The following DNAJC5G variants were observed in gnomAD, a reference collection of about 807,000 sequenced individuals.
The protein encoded by DNAJC5G is dnaJ homolog subfamily C member 5G.
A neutral mutation model predicts 19.1 loss-of-function variants in DNAJC5G; 13 were observed. That is an observed-to-expected ratio of 0.68 (90% CI 0.44 to 1.08). The LOEUF is 1.08. DNAJC5G is among the 50% of genes least tolerant of loss of function. DNAJC5G has a pLI of 0.00. For synonymous variants in DNAJC5G, 81 were observed against 84.4 expected (o/e 0.96, Z 0.22); for missense variants, 245 against 230.4 (o/e 1.06, Z -0.41).
Position 27,280,735 on chromosome 2 carries a change from T to G in DNAJC5G, c.*325T>G, listed in dbSNP as rs1479844604. On this transcript the variant is annotated 3_prime_UTR_variant, in exon 7 of 7. Coordinates refer to ENST00000296097, the MANE Select transcript of DNAJC5G (RefSeq NM_173650.3). ...GTCTCAGGCAGTGGTGGCAGATTTT[T>G]CCTGAAGAGTCTTTTTCCTGTGTCT... 3.3e-5 allele frequency: 5 copies of G among 153,532 alleles called. No individual in the cohort carries two copies. The highest frequency in any genetic ancestry group is 1.2e-4 in the African/African-American group (5 of 41,452). The allele number at this position is 153,532 out of a possible 1,614,324, so 9.5% of individuals were successfully genotyped here.
In DNAJC5G at chr2:27,276,108, A is replaced by G. The variant is rs1053438457; in HGVS notation, c.-283A>G. On this transcript the variant is annotated splice_region_variant and 5_prime_UTR_variant, in exon 2 of 7. Transcript: ENST00000296097. ...CTCTGTCTCTACTAAAAACACAGAA[A>G]ATTAGCCGGGCGTGGTGGCGTGCAC... The G allele has an allele frequency of 6.6e-6, 1 of 151,958 alleles. No homozygotes were observed. The highest frequency in any genetic ancestry group is 2.4e-5 in the African/African-American group (1 of 41,290). 9.4% of individuals were successfully genotyped at this position (151,958 alleles called of 1,614,324 possible).
chr2:27,279,534 T>A (rs1457653940), intron 5 of DNAJC5G, among the ~76,000 whole-genome samples: 1 of 152,142 alleles, frequency 6.6e-6, no homozygotes, highest in East Asian at 1.9e-4. Context: ...TGACCTCAAG[T>A]GATCCACCTG....
chr2:27,278,198 T>TC lies in DNAJC5G; in HGVS notation c.388dup (p.Leu130ProfsTer22). On this transcript the variant is annotated frameshift_variant, in exon 5 of 7. Coordinates refer to ENST00000296097, the MANE Select transcript of DNAJC5G (RefSeq NM_173650.3). LOFTEE classifies it high-confidence loss of function. ...TCGCCTACCTTTTAGACACTTGTCA[T>TC]CCTGTGTACTCTGCTCACTTGTTGC... 1 of 1,614,198 alleles carries TC rather than the reference T, an allele frequency of 6.2e-7. No individual in the cohort carries two copies. Among genetic ancestry groups the TC allele is most frequent in the Non-Finnish European group, 8.5e-7 (1 of 1,180,024 alleles).
At chr2:27,279,309 T>C in intron 5 of DNAJC5G, among the ~76,000 whole-genome samples, 1 of 137,302 alleles carries the variant, frequency 7.3e-6, no homozygotes, top group South Asian at 2.5e-4. Context: ...TTGTTGGTGG[T>C]GGTGGTGTTG....
rs756781840 is a variant in DNAJC5G, at chr2:27,277,816, G to C, written c.176G>C (p.Arg59Pro). Residue 59 changes from arginine (R) to proline (P), a missense_variant, in exon 4 of 7, where the codon CGG becomes CCG. Arg to Pro is a moderately radical substitution (Grantham distance 103). Transcript: ENST00000296097. ...CACCTGGGTAGGAAACTGGCCTTGCGGTATCATCCCGACAAGAATCCAGGG... is the reference window on the plus strand; with the variant it reads ...CACCTGGGTAGGAAACTGGCCTTGCCGTATCATCCCGACAAGAATCCAGGG... ...EYHLGRKLAL[R>P]YHPDKNPGNA... is the part of the protein sequence containing the mutation. The C allele has an allele frequency of 5.6e-6, 9 of 1,614,040 alleles. No homozygotes were observed. The Middle Eastern group carries it at 8.2e-4, about 148-fold the overall frequency.
chr2:27,280,603 C>T lies in DNAJC5G; in HGVS notation c.*193C>T. The stretch of plus-strand genomic sequence containing the variant: ...ATCCCAGTAAGGACATCACCTCTAC[C>T]CTTGGTACCACAACTCTGTATGGGG... On this transcript the variant is annotated 3_prime_UTR_variant, in exon 7 of 7. Coordinates refer to ENST00000296097, the MANE Select transcript of DNAJC5G (RefSeq NM_173650.3). 1 of 175,870 alleles carries T rather than the reference C, an allele frequency of 5.7e-6. No individual in the cohort carries two copies. Among genetic ancestry groups the T allele is most frequent in the Non-Finnish European group, 1.2e-5 (1 of 80,672 alleles). The allele number at this position is 175,870 out of a possible 1,614,324, so 10.9% of individuals were successfully genotyped here.
intron 2 of DNAJC5G, 76 bp from the exon 3 acceptor site, chr2:27,276,650 C>T (rs1314010759): frequency 1.5e-6 from 2 of 1,331,954 alleles, no homozygotes; most frequent in Non-Finnish European, 2.1e-6. Context: ...TAGTGAGTTT[C>T]CTGTCACTGG....
At chr2:27,280,014 C>A (rs138515575) in intron 5 of DNAJC5G, 152 bp from the exon 6 acceptor site, 2 of 655,132 alleles carry the variant, frequency 3.1e-6, no homozygotes, top group East Asian at 2.6e-5. Flanking sequence ...ATCATTCCCC[C>A]CCAAATGAAC....
intron 3 of DNAJC5G, 24 bp downstream of exon 3, chr2:27,276,865 A>G (rs377405405): frequency 6.8e-5 from 107 of 1,579,750 alleles, no homozygotes; most frequent in Non-Finnish European, 8.8e-5. Flanking sequence ...CCCTTTATTG[A>G]TCCTTGGAAT....
rs1164722459 is a variant in DNAJC5G, at chr2:27,280,419, C to T, written c.*19-10C>T. The T allele has an allele frequency of 1.8e-6, 1 of 560,278 alleles. No individual in the cohort carries two copies. Among genetic ancestry groups the T allele is most frequent in the Non-Finnish European group, 3.2e-6 (1 of 315,894 alleles). 34.7% of individuals were successfully genotyped at this position (560,278 alleles called of 1,614,324 possible). A position where few individuals can be genotyped will look rare whatever the true frequency, so the allele number is the denominator to read the frequency against. On this transcript the variant is annotated splice_polypyrimidine_tract_variant and intron_variant, in intron 6 of 6. Coordinates refer to ENST00000296097, the MANE Select transcript of DNAJC5G (RefSeq NM_173650.3). ...CTGATTAATAAAGCGCCACCTTCTT[C>T]CGCCACTAGGTGCTGACCCAGTGAG...
In DNAJC5G at chr2:27,278,822, T is replaced by TG. The variant is rs1678240169; in HGVS notation, c.520+492dup. Among the ~76,000 whole-genome samples the TG allele has an allele frequency of 2.0e-5, 3 of 149,760 alleles. No individual in the cohort carries two copies. In the South Asian group the frequency reaches 6.3e-4, roughly 31 times the overall value. On this transcript the variant is annotated intron_variant, in intron 5 of 6. Transcript: ENST00000296097. ...GAGTTTGAGACCAGCCTGACCAACA[T>TG]GGTGAAACCCTGTCTCTACTAAAAA... is the stretch of plus-strand genomic sequence containing the variant.
intron 5 of DNAJC5G, among the ~76,000 whole-genome samples, chr2:27,279,188 G>T (rs1327392803): frequency 6.6e-6 from 1 of 152,144 alleles, no homozygotes; most frequent in Non-Finnish European, 1.5e-5. Flanking sequence ...TTTGAAGGTA[G>T]TAGTGTCAGC....
At chr2:27,279,165 G>A (rs1417820668) in intron 5 of DNAJC5G, among the ~76,000 whole-genome samples, 13 of 152,162 alleles carry the variant, frequency 8.5e-5, no homozygotes, top group East Asian at 1.9e-4. Flanking sequence ...TGCATCACAC[G>A]ACAAACTGAC....
chr2:27,276,925 T>C lies in DNAJC5G; in HGVS notation c.113+84T>C. The C allele has an allele frequency of 3.2e-5, 9 of 283,706 alleles. No individual in the cohort carries two copies. In the South Asian group the frequency reaches 3.3e-4, roughly 10 times the overall value. 17.6% of individuals were successfully genotyped at this position (283,706 alleles called of 1,614,324 possible). A position where few individuals can be genotyped will look rare whatever the true frequency, so the allele number is the denominator to read the frequency against. On this transcript the variant is annotated intron_variant, in intron 3 of 6. Coordinates refer to ENST00000296097, the MANE Select transcript of DNAJC5G (RefSeq NM_173650.3). ...TGTATCTCTTTTGCTATCTGACTCT[T>C]TTTTTTTTTTTTTTTTTTTGAGAGG...
intron 5 of DNAJC5G, 41 bp from the exon 6 acceptor site, chr2:27,280,125 A>C (rs1178450837): frequency 1.3e-6 from 2 of 1,591,956 alleles, no homozygotes; most frequent in African/African-American, 2.7e-5. Context: ...AAAAGTTACT[A>C]AACGTTTGTA....
intron 1 of DNAJC5G, chr2:27,275,866 A>ACCCCCCCCCCCCCCCCCCC (rs1572502161): frequency 1.1e-5 from 1 of 93,182 alleles, no homozygotes; most frequent in African/African-American, 4.2e-5. Context: ...AGCACTCCCC[A>ACCCCCCCCCCCCCCCCCCC]CCCCCGCCCC....
At chr2:27,277,267 T>TTTG (rs1553377763) in intron 3 of DNAJC5G, among the ~76,000 whole-genome samples, 7 of 150,046 alleles carry the variant, frequency 4.7e-5, no homozygotes, top group South Asian at 2.1e-4. Context: ...TGTTTGTTTG[T>TTTG]TTGTTTGTTT....
chr2:27,276,739 T>G lies in DNAJC5G; in HGVS notation c.11T>G (p.Val4Gly), dbSNP rs17005979. Residue 4 changes from valine to glycine, a missense_variant, in exon 3 of 7, where the codon GTG (valine) becomes GGG (glycine). Transcript: ENST00000296097. MST[V>G]KEAAHRLSKS... ...CCTCTGGCTCAGATCATGTCTACTG[T>G]GAAGGAAGCAGCACACCGGCTGTCC... 6.2e-4 allele frequency: 994 copies of G among 1,613,884 alleles called. 6 individuals are homozygous for G. The African/African-American group carries it at 0.012, about 20-fold the overall frequency.
At chr2:27,275,762 C>T (rs750261680) in intron 1 of DNAJC5G, 1 of 158,738 alleles carries the variant, frequency 6.3e-6, no homozygotes, top group Non-Finnish European at 1.4e-5. Context: ...AGTCCTCTTC[C>T]TCCTCTCCCC....
Sources: gnomAD v4.1 joint callset for allele counts (sites outside exome capture counted in the v4.1 genomes callset) on GRCh38, gnomAD v4.1.1 for gene constraint, MANE v1.5 for transcripts, NCBI Gene and HGNC (gene_info 2026-07-23, HGNC 2026-07-21) for gene names.